NEK11: variants seen among roughly 807,000 people sequenced by gnomAD.
NEK11 encodes NIMA related kinase 11.
A neutral mutation model predicts 80.7 loss-of-function variants in NEK11; 72 were observed. The ratio of observed to expected loss-of-function variants is 0.89; its 90% confidence interval spans 0.74 to 1.08. The LOEUF is 1.08. NEK11 is among the 50% of genes least tolerant of loss of function. The probability of loss-of-function intolerance (pLI) is 0.00; values close to 1 mark genes in which losing one functional copy is unlikely to be tolerated. For missense variants in NEK11, 764 were observed against 763.6 expected (o/e 1.00, Z -0.01); for synonymous variants, 251 against 260.7 (o/e 0.96, Z 0.36).
chr3:131,127,299 C>A (rs1455314070), intron 5 of NEK11, among the ~76,000 whole-genome samples: 1 of 151,824 alleles, frequency 6.6e-6, no homozygotes, highest in Non-Finnish European at 1.5e-5. Context: ...TCTTTTTGCA[C>A]CTCAGTTGAA....
chr3:131,084,492 G>A (rs139639492), intron 4 of NEK11, among the ~76,000 whole-genome samples: 18 of 152,290 alleles, frequency 1.2e-4, no homozygotes, highest in Non-Finnish European at 2.1e-4. Context: ...GGAGACCTGT[G>A]AGATACTGCC....
At chr3:131,297,242 C>A (rs7427405) in intron 17 of NEK11, among the ~76,000 whole-genome samples, 17,832 of 151,768 alleles carry the variant, frequency 0.12, 1,437 homozygotes, top group East Asian at 0.29. Flanking sequence ...GCCACACTGA[C>A]TTCCACAATG....
chr3:131,279,239 A>C (rs2096355710), intron 17 of NEK11, among the ~76,000 whole-genome samples: 1 of 152,038 alleles, frequency 6.6e-6, no homozygotes, highest in Admixed American at 6.6e-5. Flanking sequence ...AATCCCAGCT[A>C]CTAGGGAAGG....
At chr3:131,087,915 T>C (rs930972187) in intron 4 of NEK11, 3 of 152,300 alleles carry the variant, frequency 2.0e-5, no homozygotes, top group African/African-American at 4.8e-5. Context: ...TGGTTATTTA[T>C]AGATGAGGAA....
At chr3:131,192,905 T>C (rs1430102169) in intron 14 of NEK11, among the ~76,000 whole-genome samples, 1 of 152,154 alleles carries the variant, frequency 6.6e-6, no homozygotes, top group East Asian at 1.9e-4. Flanking sequence ...AATCGGCTGG[T>C]GTCCCCAGCT....
rs549482732 is a variant in NEK11 at position 131,181,529 on chromosome 3, A to G, written c.1399+10642A>G. 2.6e-4 allele frequency among the ~76,000 whole-genome samples: 40 copies of G among 152,118 alleles called. No individual in the cohort carries two copies. The South Asian group carries it at 4.2e-3, about 16-fold the overall frequency. Reference sequence around the variant, plus strand: ...TGGGAGGCCAAGGCGGGCAGATCACAAGGTCAGGAGATGGAGACCATCCTG... The same window carrying G: ...TGGGAGGCCAAGGCGGGCAGATCACGAGGTCAGGAGATGGAGACCATCCTG... On this transcript the variant is annotated intron_variant, in intron 14 of 17. Transcript: ENST00000383366.
chr3:131,053,793 A>G (rs989448994), intron 3 of NEK11: 1 of 152,268 alleles, frequency 6.6e-6, no homozygotes, highest in African/African-American at 2.4e-5. Flanking sequence ...TTTGAAGTCT[A>G]TTTAACTATA....
chr3:131,294,484 T>G (rs1218248381), intron 17 of NEK11, among the ~76,000 whole-genome samples: 1 of 152,192 alleles, frequency 6.6e-6, no homozygotes, highest in East Asian at 1.9e-4. Flanking sequence ...CTAAATATGG[T>G]CTATCTCGGT....
chr3:131,223,727 G>A (rs1403520446), intron 14 of NEK11, among the ~76,000 whole-genome samples: 2 of 152,124 alleles, frequency 1.3e-5, no homozygotes, highest in Non-Finnish European at 2.9e-5. Flanking sequence ...CCCCCTTGCA[G>A]AGGTTTCTTC....
intron 17 of NEK11, among the ~76,000 whole-genome samples, chr3:131,331,308 A>G (rs1407135304): frequency 6.6e-6 from 1 of 152,194 alleles, no homozygotes; most frequent in Non-Finnish European, 1.5e-5. Flanking sequence ...TTTATACACA[A>G]CCATTTATCA....
At chr3:131,178,385 A>C (rs2093158653) in intron 14 of NEK11, among the ~76,000 whole-genome samples, 1 of 152,278 alleles carries the variant, frequency 6.6e-6, no homozygotes, top group African/African-American at 2.4e-5. Flanking sequence ...TGATTATTTT[A>C]TAACACTTGG....
Position 131,168,830 on chromosome 3 carries a change from G to GA in NEK11, c.1183dup (p.Thr395AsnfsTer14), listed in dbSNP as rs748988947. On this transcript the variant is annotated frameshift_variant and splice_region_variant, in exon 13 of 18. Coordinates refer to ENST00000383366, the MANE Select transcript of NEK11 (RefSeq NM_024800.5). LOFTEE classifies it high-confidence loss of function. Reference sequence around the variant, plus strand: ...ACAGACTTTGTCATAATCTCTTTAGGAAAAAACACATTTAAAAGGAATGGA... The same window carrying GA: ...ACAGACTTTGTCATAATCTCTTTAGGAAAAAAACACATTTAAAAGGAATGGA... The GA allele has an allele frequency of 2.5e-6, 4 of 1,611,144 alleles. No individual in the cohort carries two copies. Among genetic ancestry groups the GA allele is most frequent in the East Asian group, 4.5e-5 (2 of 44,836 alleles).
At chr3:131,338,265 G>GTTTT (rs1554023900) in intron 17 of NEK11, among the ~76,000 whole-genome samples, 28 of 91,594 alleles carry the variant, frequency 3.1e-4, no homozygotes, top group African/African-American at 6.8e-4. Context: ...GCGCCCAGCT[G>GTTTT]GTTTTTTTTT....
chr3:131,264,493 T>C (rs550062243), intron 16 of NEK11, among the ~76,000 whole-genome samples: 87 of 152,328 alleles, frequency 5.7e-4, no homozygotes, highest in African/African-American at 2.1e-3. Context: ...TTCTTGTTTT[T>C]GTCAGGTTTG....
At chr3:131,030,615 C>G (rs533721194) in intron 3 of NEK11, among the ~76,000 whole-genome samples, 1 of 152,290 alleles carries the variant, frequency 6.6e-6, no homozygotes, top group Admixed American at 6.5e-5. Context: ...TTTCTTTGGG[C>G]TTTCCATGGC....
rs557123877 is a variant in NEK11 at position 131,059,674 on chromosome 3, G to T, written c.171-20749G>T. On this transcript the variant is annotated intron_variant, in intron 3 of 17. Coordinates refer to ENST00000383366, the MANE Select transcript of NEK11 (RefSeq NM_024800.5). ...GTATGCACACAATTGACTCCCATTT[G>T]CATTGACAGATGATGTTTTAGTTCT... 5.3e-5 allele frequency among the ~76,000 whole-genome samples: 8 copies of T among 152,288 alleles called. No homozygotes were observed. The East Asian group carries it at 1.5e-3, about 29-fold the overall frequency.
chr3:131,309,605 T>A (rs968626328), intron 17 of NEK11, among the ~76,000 whole-genome samples: 4 of 92,528 alleles, frequency 4.3e-5, no homozygotes, highest in Non-Finnish European at 1.1e-4. Flanking sequence ...GAAAAATGCT[T>A]TCTATTTTTT....
intron 14 of NEK11, among the ~76,000 whole-genome samples, chr3:131,198,658 G>A (rs1040619114): frequency 2.0e-5 from 3 of 152,172 alleles, no homozygotes; most frequent in Non-Finnish European, 4.4e-5. Flanking sequence ...GTATGCCATG[G>A]GTTGCAAGCT....
At chr3:131,152,298 A>G in intron 7 of NEK11, 90 bp from the exon 8 acceptor site, 1 of 1,125,462 alleles carries the variant, frequency 8.9e-7, no homozygotes, top group South Asian at 1.8e-5. Context: ...CCTCACAGCC[A>G]ATGCCCCAAC....
Sources: gnomAD v4.1 joint callset for allele counts (sites outside exome capture counted in the v4.1 genomes callset) on GRCh38, gnomAD v4.1.1 for gene constraint, MANE v1.5 for transcripts, NCBI Gene and HGNC (gene_info 2026-07-23, HGNC 2026-07-21) for gene names.